SOX5: variants seen among roughly 807,000 people sequenced by gnomAD.
SOX5 encodes transcription factor SOX-5.
A neutral mutation model predicts 92.0 loss-of-function variants in SOX5; 9 were observed. That is an observed-to-expected ratio of 0.10 (90% CI 0.06 to 0.17). The LOEUF (loss-of-function observed/expected upper bound fraction) is 0.17. Among genes scored for constraint, SOX5 ranks in the 10% least tolerant of loss-of-function variants. The pLI, the probability that SOX5 is intolerant of heterozygous loss-of-function variation, is 1.00. For synonymous variants in SOX5, 344 were observed against 336.3 expected, an observed-to-expected ratio of 1.02 and a Z score of -0.25; for missense variants, 642 against 944.5, an observed-to-expected ratio of 0.68 and a Z score of 4.20.
chr12:23,690,328 C>T (rs1053751726), intron 6 of SOX5, among the ~76,000 whole-genome samples: 7 of 152,158 alleles, frequency 4.6e-5, no homozygotes, highest in Non-Finnish European at 7.4e-5. Flanking sequence ...AATTCTATTC[C>T]TTCACCTTTC....
intron 1 of SOX5, among the ~76,000 whole-genome samples, chr12:24,556,784 C>A (rs917076010): frequency 6.6e-6 from 1 of 152,146 alleles, no homozygotes; most frequent in Non-Finnish European, 1.5e-5. Context: ...AAATACAGCA[C>A]CTTAATAAAA....
intron 1 of SOX5, among the ~76,000 whole-genome samples, chr12:24,552,368 T>G (rs1479891298): frequency 6.6e-6 from 1 of 152,192 alleles, no homozygotes; most frequent in African/African-American, 2.4e-5. Flanking sequence ...GTTCTCAAAC[T>G]TTTATGTGCA....
Position 24,223,809 on chromosome 12 carries a change from AC to A in SOX5, c.-76-10393del, listed in dbSNP as rs148653661. On this transcript the variant is annotated intron_variant, in intron 3 of 4. Coordinates refer to the SOX5 transcript ENST00000446891. ...AACAAACAAACAAACAAACAAAAAA[AC>A]ATACACACACGAATGAGTTTTGCTT... Among the ~76,000 whole-genome samples, 845 of 152,178 alleles carry A rather than the reference AC, an allele frequency of 5.6e-3. 6 individuals carry two copies. The highest frequency in any genetic ancestry group is 0.019 in the African/African-American group (807 of 41,506).
chr12:23,640,834 C>T lies in SOX5; in HGVS notation c.995G>A (p.Gly332Asp). Residue 332 changes from glycine to aspartate, a missense_variant, in exon 8 of 15, where the codon GGC (glycine) becomes GAC (aspartate). Gly to Asp is a moderately conservative substitution (Grantham distance 94). Transcript: ENST00000451604. Reference sequence around the variant, plus strand: ...TACCTGCAGTTGGAGTGGGCCTAAGCCTGGTGTTGCTGCGGCAGCAGCTGC... The same window carrying T: ...TACCTGCAGTTGGAGTGGGCCTAAGTCTGGTGTTGCTGCGGCAGCAGCTGC... Reference protein sequence around the residue: ...TMAAAAAATPGLGPLQLQQLY... With the variant: ...TMAAAAAATPDLGPLQLQQLY... 6.2e-7 allele frequency: 1 copy of T among 1,613,902 alleles called. No homozygotes were observed.
intron 1 of SOX5, among the ~76,000 whole-genome samples, chr12:23,941,986 A>C (rs1943738450): frequency 6.6e-6 from 1 of 151,644 alleles, no homozygotes; most frequent in Non-Finnish European, 1.5e-5. Flanking sequence ...GTGAAAAAAA[A>C]GTCTTTGGAC....
At chr12:23,831,957 T>TACACACACAC (rs61053165) in intron 3 of SOX5, among the ~76,000 whole-genome samples, 4,381 of 142,562 alleles carry the variant, frequency 0.031, 65 homozygotes, top group East Asian at 0.047. Context: ...AAAGGGGAAC[T>TACACACACAC]ACACACACAC....
intron 6 of SOX5, among the ~76,000 whole-genome samples, chr12:23,734,249 C>T (rs1218555413): frequency 6.6e-6 from 1 of 152,150 alleles, no homozygotes; most frequent in Non-Finnish European, 1.5e-5. Flanking sequence ...AAATTATTAC[C>T]ATCCCTATGT....
rs1326311778 is a variant in SOX5 at position 23,533,057 on chromosome 12, A to G, written c.*1162T>C. On this transcript the variant is annotated 3_prime_UTR_variant, in exon 15 of 15. Coordinates refer to ENST00000451604, the MANE Select transcript of SOX5 (RefSeq NM_006940.6). ...TACACAGGGCCACCTGATCCATCCAATAATAATCAGACATTTAAAAATATA... is the reference window on the plus strand; with the variant it reads ...TACACAGGGCCACCTGATCCATCCAGTAATAATCAGACATTTAAAAATATA... 7 of 401,284 alleles carry G rather than the reference A, an allele frequency of 1.7e-5. No homozygotes were observed. The highest frequency in any genetic ancestry group is 3.1e-5 in the Non-Finnish European group (6 of 195,876). The allele number at this position is 401,284 out of a possible 1,614,324, so 24.9% of individuals were successfully genotyped here. A position where few individuals can be genotyped will look rare whatever the true frequency, so the allele number is the denominator to read the frequency against.
chr12:24,324,073 C>T (rs372334559), intron 2 of SOX5, among the ~76,000 whole-genome samples: 64 of 152,200 alleles, frequency 4.2e-4, no homozygotes, highest in African/African-American at 9.1e-4. Context: ...TCATACTCCA[C>T]GCTGCTAAGA....
rs1049586142 is a variant in SOX5 at position 23,755,624 on chromosome 12, TCA to T, written c.568+12_568+13del. ...TTTGGTACATTTTGGATAAAAACAATCACACCATATTACCTTTTATTTCGCCA... is the reference window on the plus strand; with the variant it reads ...TTTGGTACATTTTGGATAAAAACAATCACCATATTACCTTTTATTTCGCCA... On this transcript the variant is annotated intron_variant, in intron 4 of 14. Transcript: ENST00000451604. The T allele has an allele frequency of 2.6e-6, 4 of 1,557,044 alleles. No homozygotes were observed. The highest frequency in any genetic ancestry group is 2.8e-5 in the African/African-American group (2 of 71,958).
At chr12:24,254,850 A>G (rs1031644117) in intron 3 of SOX5, among the ~76,000 whole-genome samples, 4 of 151,984 alleles carry the variant, frequency 2.6e-5, no homozygotes, top group African/African-American at 9.7e-5. Flanking sequence ...CTGTCTTTTA[A>G]GAACTTGGAT....
At chr12:24,391,673 C>T (rs889786074) in intron 1 of SOX5, among the ~76,000 whole-genome samples, 8 of 152,118 alleles carry the variant, frequency 5.3e-5, no homozygotes, top group Non-Finnish European at 1.2e-4. Flanking sequence ...AACAGGATGG[C>T]TCTATTAAAA....
intron 1 of SOX5, among the ~76,000 whole-genome samples, chr12:24,514,033 A>G (rs1025468296): frequency 6.6e-6 from 1 of 152,220 alleles, no homozygotes; most frequent in African/African-American, 2.4e-5. Flanking sequence ...TCTCTTCTAC[A>G]GGACAGTCCT....
chr12:23,599,323 G>A (rs140134092), intron 9 of SOX5, among the ~76,000 whole-genome samples: 76 of 152,302 alleles, frequency 5.0e-4, no homozygotes, highest in South Asian at 1.2e-3. Flanking sequence ...CTGGCTTGTC[G>A]GAGAAATATT....
intron 4 of SOX5, among the ~76,000 whole-genome samples, chr12:24,121,897 A>G (rs1336791528): frequency 6.6e-6 from 1 of 150,996 alleles, no homozygotes; most frequent in Non-Finnish European, 1.5e-5. Context: ...AAAAAAAAAA[A>G]AAAAAAAAAA....
intron 2 of SOX5, among the ~76,000 whole-genome samples, chr12:24,359,082 A>G (rs1955205230): frequency 1.3e-5 from 2 of 152,242 alleles, no homozygotes; most frequent in South Asian, 2.1e-4. Flanking sequence ...CATGCTTATC[A>G]GTACATAATG....
intron 4 of SOX5, among the ~76,000 whole-genome samples, chr12:24,085,281 A>G (rs1943844497): frequency 6.6e-6 from 1 of 152,064 alleles, no homozygotes; most frequent in Non-Finnish European, 1.5e-5. Flanking sequence ...AAAACTACAC[A>G]ATGTAATGTG....
intron 6 of SOX5, among the ~76,000 whole-genome samples, chr12:23,703,572 C>T (rs1228722036): frequency 6.6e-6 from 1 of 151,902 alleles, no homozygotes; most frequent in African/African-American, 2.4e-5. Context: ...CATCTGACAT[C>T]CCAGACACTA....
intron 11 of SOX5, among the ~76,000 whole-genome samples, chr12:23,551,167 T>C (rs1173879969): frequency 6.6e-6 from 1 of 151,950 alleles, no homozygotes; most frequent in Non-Finnish European, 1.5e-5. Context: ...GTTAAACCTC[T>C]TCTGGCTGCA....
Sources: gnomAD v4.1 joint callset for allele counts (sites outside exome capture counted in the v4.1 genomes callset) on GRCh38, gnomAD v4.1.1 for gene constraint, MANE v1.5 for transcripts, NCBI Gene and HGNC (gene_info 2026-07-23, HGNC 2026-07-21) for gene names.